Variants in CNBD2 observed in about 807,000 individuals in gnomAD.
CNBD2 encodes the protein cyclic nucleotide-binding domain-containing protein 2.
Under a neutral mutation model 63.7 loss-of-function variants are expected in CNBD2, and 64 were observed. The ratio of observed to expected loss-of-function variants is 1.00; its 90% CI spans 0.82 to 1.24. The LOEUF (loss-of-function observed/expected upper bound fraction) is 1.24. CNBD2 is among the 50% of genes most tolerant of loss of function. CNBD2 has a pLI of 0.00. For synonymous variants in CNBD2, 229 were observed against 255.4 expected, an observed-to-expected ratio of 0.90 and a Z score of 0.99; for missense variants, 691 against 713.5, an observed-to-expected ratio of 0.97 and a Z score of 0.36.
intron 3 of CNBD2, 115 bp downstream of exon 3, chr20:35,976,117 C>T: frequency 1.2e-6 from 1 of 866,098 alleles, no homozygotes; most frequent in Non-Finnish European, 1.9e-6. Context: ...GCCACCAACT[C>T]AGCTTGTCAC....
intron 11 of CNBD2, among the ~76,000 whole-genome samples, chr20:36,027,245 A>C (rs2057292635): frequency 6.6e-6 from 1 of 152,188 alleles, no homozygotes; most frequent in Admixed American, 6.5e-5. Flanking sequence ...TTTTGGCAGC[A>C]GGTGTGGGAA....
In CNBD2 at chr20:36,011,216, G is replaced by C. The variant is rs754120680; in HGVS notation, c.1228G>C (p.Ala410Pro). 1.3e-6 allele frequency: 2 copies of C among 1,594,198 alleles called. No homozygotes were observed. The highest frequency in any genetic ancestry group is 2.7e-5 in the African/African-American group (2 of 74,170). Residue 410 changes from alanine (A) to proline (P), a missense_variant, in exon 10 of 12, where the codon GCC (alanine) becomes CCC (proline). By Grantham distance (27) the Ala-to-Pro change is conservative. Transcript: ENST00000373973. ...GELPKEAAVG[A>P]YVKVHTVEQG... ...GCTCCCCAAGGAGGCTGCAGTGGGG[G>C]CCTACGTGAAGGTGCACACTGTGGA...
In CNBD2 at chr20:36,023,766, C is replaced by T; in HGVS notation, c.1434C>T (p.Phe478=). The T allele has an allele frequency of 6.2e-7, 1 of 1,608,850 alleles. No homozygotes were observed. Among genetic ancestry groups the T allele is most frequent in the Non-Finnish European group, 8.5e-7 (1 of 1,177,552 alleles). ...AGTTGTTAAAGCTCAATATTGCATT[C>T]CCCAGGTCAGTACTGGAAATGTGCG... ...IKKLLKLNIA[F]PSDEDMCQKF... The change falls in exon 11 of 12, where the codon TTC becomes TTT. Residue 478 remains phenylalanine (F), a synonymous_variant. Coordinates refer to ENST00000373973, the MANE Select transcript of CNBD2 (RefSeq NM_001365709.1).
At chr20:35,970,093 C>T (rs1209214122) in intron 1 of CNBD2, among the ~76,000 whole-genome samples, 2 of 152,148 alleles carry the variant, frequency 1.3e-5, no homozygotes, top group African/African-American at 4.8e-5. Context: ...AGTTGGAAAC[C>T]AGCCTGGGCA....
intron 8 of CNBD2, among the ~76,000 whole-genome samples, chr20:36,006,460 A>C (rs2056986892): frequency 2.0e-5 from 3 of 152,356 alleles, no homozygotes; most frequent in African/African-American, 7.2e-5. Context: ...TTTGTCACCC[A>C]GTCTGGAGTG....
At chr20:36,009,265 G>A (rs927551788) in intron 9 of CNBD2, among the ~76,000 whole-genome samples, 1 of 151,186 alleles carries the variant, frequency 6.6e-6, no homozygotes, top group Non-Finnish European at 1.5e-5. Flanking sequence ...GCAGTGGCGC[G>A]ATCTCTGCTC....
Position 36,009,593 on chromosome 20 carries a change from C to T in CNBD2, c.1148+1119C>T, listed in dbSNP as rs553604323. Among the ~76,000 whole-genome samples the T allele has an allele frequency of 1.7e-3, 258 of 152,152 alleles. 1 individual carries two copies. The highest frequency in any genetic ancestry group is 5.9e-3 in the African/African-American group (246 of 41,538). On this transcript the variant is annotated intron_variant, in intron 9 of 11. Transcript: ENST00000373973. ...ATGCCTGTAATCCCAACACTTTGGG[C>T]GGCTGAAGCGGGCGGATTGCCTGAG...
chr20:35,954,590 T>G, upstream of CNBD2: 1 of 1,417,180 alleles, frequency 7.1e-7, no homozygotes, highest in Non-Finnish European at 9.4e-7. Context: ...ATGAGGCGGC[T>G]GCTGCCCTCG....
At chr20:35,973,337 CG>C (rs1475914559) in intron 2 of CNBD2, 1 of 153,372 alleles carries the variant, frequency 6.5e-6, no homozygotes, top group Non-Finnish European at 1.4e-5. Context: ...TCTCTATTCG[CG>C]TCTCTACTTT....
At chr20:36,007,143 C>T (rs969583110) in intron 8 of CNBD2, among the ~76,000 whole-genome samples, 7 of 151,932 alleles carry the variant, frequency 4.6e-5, no homozygotes, top group African/African-American at 7.3e-5. Context: ...GAGCAGAGAT[C>T]GCACCACTGC....
At chr20:36,001,588 T>A (rs1450303563) in intron 8 of CNBD2, among the ~76,000 whole-genome samples, 36 of 149,546 alleles carry the variant, frequency 2.4e-4, no homozygotes, top group Admixed American at 2.0e-3. Flanking sequence ...GAGGGGCTCC[T>A]CACTTCTCAG....
At chr20:35,999,419 A>G (rs545777533) in intron 8 of CNBD2, among the ~76,000 whole-genome samples, 1 of 151,926 alleles carries the variant, frequency 6.6e-6, no homozygotes, top group Middle Eastern at 3.4e-3. Flanking sequence ...GTATAATTCA[A>G]TCTTATTTTC....
At chr20:36,025,911 A>G (rs1450177829) in intron 11 of CNBD2, among the ~76,000 whole-genome samples, 1 of 152,202 alleles carries the variant, frequency 6.6e-6, no homozygotes, top group Non-Finnish European at 1.5e-5. Flanking sequence ...TATTATAAAC[A>G]TATAAAAATT....
chr20:36,023,880 A>G, intron 11 of CNBD2, 109 bp downstream of exon 11: 8 of 954,464 alleles, frequency 8.4e-6, no homozygotes, highest in Non-Finnish European at 1.2e-5. Flanking sequence ...ACAAGGGTGA[A>G]ATGAAACTGG....
chr20:35,999,448 G>C (rs907016542), intron 8 of CNBD2, among the ~76,000 whole-genome samples: 1 of 151,742 alleles, frequency 6.6e-6, no homozygotes, highest in Admixed American at 6.6e-5. Context: ...CTTATTAGCT[G>C]TTTGTGGTAT....
chr20:36,011,258 G>C lies in CNBD2; in HGVS notation c.1269+1G>C, dbSNP rs199517793. ...CACTGTGGAGCAGGGAGAAATTTTGGTGAGTGTGCCAAGAGCTCTGTTCAC... is the reference window on the plus strand; with the variant it reads ...CACTGTGGAGCAGGGAGAAATTTTGCTGAGTGTGCCAAGAGCTCTGTTCAC... On this transcript the variant is annotated splice_donor_variant, in intron 10 of 11. Transcript: ENST00000373973. LOFTEE classifies it high-confidence loss of function. 33 of 1,552,376 alleles carry C rather than the reference G, an allele frequency of 2.1e-5. No homozygotes were observed. In the East Asian group the frequency reaches 7.6e-4, roughly 36 times the overall value.
chr20:35,982,166 G>A (rs1192845510), intron 4 of CNBD2, among the ~76,000 whole-genome samples: 1 of 152,190 alleles, frequency 6.6e-6, no homozygotes, highest in Non-Finnish European at 1.5e-5. Context: ...TGTGGAGGGG[G>A]AGGAGGAAGA....
intron 11 of CNBD2, among the ~76,000 whole-genome samples, chr20:36,028,289 A>G (rs908981434): frequency 6.6e-6 from 1 of 152,086 alleles, no homozygotes; most frequent in African/African-American, 2.4e-5. Flanking sequence ...CGCCCTGCTC[A>G]GTCAGCATTT....
At chr20:35,985,870 CAGAT>C (rs1292915117) in intron 6 of CNBD2, among the ~76,000 whole-genome samples, 1 of 152,136 alleles carries the variant, frequency 6.6e-6, no homozygotes, top group Non-Finnish European at 1.5e-5. Flanking sequence ...TGACAGAGAC[CAGAT>C]AGATCTGTCT....
Sources: allele counts gnomAD v4.1 joint callset (sites outside exome capture counted in the v4.1 genomes callset), GRCh38; gene constraint gnomAD v4.1.1; transcripts MANE v1.5; gene names NCBI Gene and HGNC (gene_info 2026-07-23, HGNC 2026-07-21).